The following ANO3 variants were observed in gnomAD, a reference collection of about 807,000 sequenced individuals.
ANO3 encodes anoctamin-3.
In ANO3, 99 loss-of-function variants were observed where a neutral mutation model predicts 144.8. The ratio of observed to expected loss-of-function variants is 0.68; its 90% CI spans 0.58 to 0.81. ANO3 has a LOEUF of 0.81. Ranked by LOEUF, ANO3 falls within the 30% of genes least tolerant of loss-of-function variation. The pLI, the probability that ANO3 is intolerant of heterozygous loss-of-function variation, is 0.00. For synonymous variants in ANO3, 414 were observed against 392.6 expected, an observed-to-expected ratio of 1.05 and a Z score of -0.64; for missense variants, 905 against 1,202.2, an observed-to-expected ratio of 0.75 and a Z score of 3.66.
chr11:26,619,976 A>G (rs1321172476), intron 17 of ANO3, among the ~76,000 whole-genome samples: 1 of 152,222 alleles, frequency 6.6e-6, no homozygotes, highest in Admixed American at 6.5e-5. Context: ...ATTACAAATA[A>G]TTTTATTTGA....
At chr11:26,291,719 G>A (rs1853962791) in intron 1 of ANO3, among the ~76,000 whole-genome samples, 1 of 152,202 alleles carries the variant, frequency 6.6e-6, no homozygotes, top group Admixed American at 6.5e-5. Flanking sequence ...TTTTCTTTAA[G>A]AATGTTGAAT....
At chr11:26,215,802 T>G (rs1395726016) in intron 1 of ANO3, among the ~76,000 whole-genome samples, 3 of 151,920 alleles carry the variant, frequency 2.0e-5, no homozygotes, top group Non-Finnish European at 4.4e-5. Context: ...CTCTAATCCA[T>G]TACCAGATAG....
chr11:26,482,879 A>G (rs1860279529), intron 4 of ANO3, among the ~76,000 whole-genome samples: 2 of 152,168 alleles, frequency 1.3e-5, no homozygotes, highest in South Asian at 4.1e-4. Flanking sequence ...GTTTCCCTTA[A>G]GAGAATGGCC....
intron 9 of ANO3, 64 bp downstream of exon 9, chr11:26,534,626 T>G: frequency 8.7e-7 from 1 of 1,143,946 alleles, no homozygotes; most frequent in South Asian, 1.3e-5. Context: ...GAATTATTGT[T>G]TTTTTTAACA....
In ANO3 at chr11:26,429,639, T is replaced by A. The variant is rs1332613447; in HGVS notation, c.47-12279T>A. Among the ~76,000 whole-genome samples the A allele has an allele frequency of 2.6e-5, 4 of 152,132 alleles. No homozygotes were observed. The East Asian group carries it at 7.7e-4, about 29-fold the overall frequency. ...ATTGTATTCAAAGTAAAACCCACTC[T>A]GTGCTGTATACAGGAGTCATACATA... is the stretch of plus-strand genomic sequence containing the variant. On this transcript the variant is annotated intron_variant, in intron 1 of 26. Transcript: ENST00000256737.
At chr11:26,243,244 C>T (rs1852700212) in intron 1 of ANO3, among the ~76,000 whole-genome samples, 1 of 152,024 alleles carries the variant, frequency 6.6e-6, no homozygotes, top group African/African-American at 2.4e-5. Flanking sequence ...TGGGTATAAT[C>T]AATTTATTTT....
At chr11:26,263,385 G>T (rs372938337) in intron 1 of ANO3, among the ~76,000 whole-genome samples, 5 of 152,102 alleles carry the variant, frequency 3.3e-5, no homozygotes, top group African/African-American at 4.8e-5. Context: ...GTTCAGGTCC[G>T]TACCTGACAA....
Position 26,643,240 on chromosome 11 carries a change from G to A in ANO3, c.2334G>A (p.Leu778=), listed in dbSNP as rs1249484540. The A allele has an allele frequency of 6.2e-7, 1 of 1,614,016 alleles. No homozygotes were observed. Among genetic ancestry groups the A allele is most frequent in the African/African-American group, 1.3e-5 (1 of 74,994 alleles). Residue 778 remains leucine, a synonymous_variant, in exon 23 of 27, where the codon TTG becomes TTA. Coordinates refer to ENST00000256737, the MANE Select transcript of ANO3 (RefSeq NM_031418.4). ...FVAAFPLAPL[L]ALLNNIIEIR... ...CGGCTTTTCCTCTAGCCCCTCTTTT[G>A]GCTTTGTTAAACAATATCATTGAAA...
chr11:26,485,388 C>T (rs1176263717), intron 4 of ANO3, among the ~76,000 whole-genome samples: 1 of 151,968 alleles, frequency 6.6e-6, no homozygotes, highest in Non-Finnish European at 1.5e-5. Context: ...GTGTGGGGCA[C>T]CTTCCTATTT....
chr11:26,418,897 A>T (rs1235424149), intron 1 of ANO3, among the ~76,000 whole-genome samples: 1 of 152,146 alleles, frequency 6.6e-6, no homozygotes, highest in Non-Finnish European at 1.5e-5. Flanking sequence ...TTGGACTAAT[A>T]CAGAAAACTG....
chr11:26,435,104 T>C lies in ANO3; in HGVS notation c.47-6814T>C, dbSNP rs752147477. 1.1e-4 allele frequency among the ~76,000 whole-genome samples: 17 copies of C among 152,226 alleles called. 1 individual carries two copies. Among genetic ancestry groups the C allele is most frequent in the Non-Finnish European group, 2.4e-4 (16 of 68,034 alleles). Reference sequence around the variant, plus strand: ...TGCTTTATGAATCTGGGCGCTCCTATTTTGGGTGCATAAATATTTAGGATA... The same window carrying C: ...TGCTTTATGAATCTGGGCGCTCCTACTTTGGGTGCATAAATATTTAGGATA... On this transcript the variant is annotated intron_variant, in intron 1 of 26. Coordinates refer to ENST00000256737, the MANE Select transcript of ANO3 (RefSeq NM_031418.4).
chr11:26,192,644 TAGA>T (rs1314074390), intron 1 of ANO3, among the ~76,000 whole-genome samples: 1 of 152,134 alleles, frequency 6.6e-6, no homozygotes, highest in Non-Finnish European at 1.5e-5. Context: ...TTCCGTGCAT[TAGA>T]AGGAGAGTCC....
At chr11:26,577,247 G>C (rs1470429486) in intron 14 of ANO3, among the ~76,000 whole-genome samples, 1 of 152,096 alleles carries the variant, frequency 6.6e-6, no homozygotes, top group East Asian at 1.9e-4. Flanking sequence ...TGAGAGTATA[G>C]GTATCAGATT....
intron 1 of ANO3, among the ~76,000 whole-genome samples, chr11:26,249,978 C>T (rs193053556): frequency 6.1e-4 from 93 of 152,208 alleles, no homozygotes; most frequent in African/African-American, 2.0e-3. Flanking sequence ...ATAAAGAGTA[C>T]GAAAAACCAA....
At chr11:26,384,180 G>A (rs1440322739) in intron 1 of ANO3, among the ~76,000 whole-genome samples, 2 of 152,008 alleles carry the variant, frequency 1.3e-5, no homozygotes, top group South Asian at 2.1e-4. Flanking sequence ...GATTACAGGC[G>A]TGAGCCACCG....
intron 17 of ANO3, among the ~76,000 whole-genome samples, chr11:26,618,277 A>T (rs191501392): frequency 2.4e-4 from 36 of 152,186 alleles, no homozygotes; most frequent in Non-Finnish European, 4.4e-5. Context: ...ATAGCCAGAA[A>T]CCTTAAACTA....
chr11:26,552,708 G>T (rs1405041034), intron 12 of ANO3, among the ~76,000 whole-genome samples: 1 of 150,638 alleles, frequency 6.6e-6, no homozygotes, highest in African/African-American at 2.4e-5. Context: ...ACTATGGCAT[G>T]TCATTGTGAC....
intron 1 of ANO3, among the ~76,000 whole-genome samples, chr11:26,370,304 AGAAG>A (rs1564987515): frequency 6.6e-6 from 1 of 152,176 alleles, no homozygotes; most frequent in African/African-American, 2.4e-5. Flanking sequence ...TGCCATGAAA[AGAAG>A]GACGTGTTTG....
intron 17 of ANO3, among the ~76,000 whole-genome samples, chr11:26,620,088 T>C (rs1182919734): frequency 6.6e-6 from 1 of 152,230 alleles, no homozygotes; most frequent in Non-Finnish European, 1.5e-5. Context: ...TGCTCTTTCC[T>C]AGGCCTACCA....
Sources: allele counts gnomAD v4.1 joint callset (sites outside exome capture counted in the v4.1 genomes callset), GRCh38; gene constraint gnomAD v4.1.1; transcripts MANE v1.5; gene names NCBI Gene and HGNC (gene_info 2026-07-23, HGNC 2026-07-21).